Variants in STXBP5L observed in about 807,000 individuals in gnomAD.
STXBP5L encodes the protein syntaxin-binding protein 5-like.
In STXBP5L, 65 loss-of-function variants were observed where a neutral mutation model predicts 144.5. The observed-to-expected ratio is 0.45, with a 90% CI of 0.37 to 0.55. The LOEUF (loss-of-function observed/expected upper bound fraction) is 0.55, where lower values mean the gene tolerates loss of function less well. STXBP5L is among the 20% of genes least tolerant of loss of function. The pLI is 0.00. For missense variants in STXBP5L, 1,298 were observed against 1,405.5 expected (o/e 0.92, Z 1.22); for synonymous variants, 505 against 469.6 (o/e 1.08, Z -0.97).
chr3:121,245,181 T>C lies in STXBP5L; in HGVS notation c.1400+4674T>C, dbSNP rs1055036029. ...TTGTGACATCAATAACATGAAGAGA[T>C]AGTGAATGTAAAGGAGTAGATTTTT... On this transcript the variant is annotated intron_variant, in intron 14 of 26. Coordinates refer to ENST00000471454, the MANE Select transcript of STXBP5L (RefSeq NM_001308330.2). Among the ~76,000 whole-genome samples the C allele has an allele frequency of 4.0e-4, 61 of 152,066 alleles. 1 individual carries two copies. Among genetic ancestry groups the C allele is most frequent in the African/African-American group, 1.3e-3 (56 of 41,536 alleles).
rs146651546 is a variant in STXBP5L at position 121,264,502 on chromosome 3, T to C, written c.1958+5334T>C. On this transcript the variant is annotated intron_variant, in intron 18 of 26. Transcript: ENST00000471454. ...TGGAGTTTTGGAAAGAAAAAACCGG[T>C]ACTAGCCACTGCAAAAACATACCAA... 1.1e-4 allele frequency among the ~76,000 whole-genome samples: 16 copies of C among 152,148 alleles called. No individual in the cohort carries two copies. In the East Asian group the frequency reaches 3.1e-3, roughly 29 times the overall value.
chr3:121,100,517 G>C (rs1008989211), intron 5 of STXBP5L, among the ~76,000 whole-genome samples: 16 of 151,998 alleles, frequency 1.1e-4, no homozygotes, highest in African/African-American at 3.4e-4. Flanking sequence ...TGAAATTAAG[G>C]CAGAAATAAA....
At chr3:121,245,342 G>A (rs1273487327) in intron 14 of STXBP5L, among the ~76,000 whole-genome samples, 3 of 148,194 alleles carry the variant, frequency 2.0e-5, no homozygotes, top group South Asian at 2.1e-4. Flanking sequence ...ATAGAAGTAT[G>A]TCACTAAAAA....
intron 18 of STXBP5L, among the ~76,000 whole-genome samples, chr3:121,271,707 T>G (rs1346396659): frequency 6.6e-6 from 1 of 152,246 alleles, no homozygotes; most frequent in Non-Finnish European, 1.5e-5. Flanking sequence ...GAATGTCTTG[T>G]GAATTCAGTC....
chr3:121,095,190 C>A (rs2043050352), intron 5 of STXBP5L, among the ~76,000 whole-genome samples: 1 of 152,090 alleles, frequency 6.6e-6, no homozygotes, highest in Admixed American at 6.5e-5. Flanking sequence ...TTGTGGGTAA[C>A]CCGACCTCTC....
At chr3:121,361,489 C>T (rs932719101) in intron 20 of STXBP5L, among the ~76,000 whole-genome samples, 2 of 151,796 alleles carry the variant, frequency 1.3e-5, no homozygotes, top group Non-Finnish European at 2.9e-5. Context: ...ATTCTCTTTT[C>T]TTTTGTCTCT....
intron 16 of STXBP5L, among the ~76,000 whole-genome samples, chr3:121,256,501 T>A (rs1439370747): frequency 6.6e-6 from 1 of 152,018 alleles, no homozygotes; most frequent in African/African-American, 2.4e-5. Flanking sequence ...ACCTTTTTAT[T>A]CCTATGTAAA....
At chr3:121,226,989 G>A (rs9846563) in intron 11 of STXBP5L, among the ~76,000 whole-genome samples, 15,086 of 152,086 alleles carry the variant, frequency 0.099, 1,174 homozygotes, top group Admixed American at 0.2. Context: ...TAACATTTCA[G>A]TTCATACCTT....
intron 25 of STXBP5L, among the ~76,000 whole-genome samples, chr3:121,416,610 C>T (rs146311312): frequency 0.013 from 1,950 of 151,438 alleles, 38 homozygotes; most frequent in African/African-American, 0.045. Context: ...CGGGTTCAAG[C>T]GATTCTCCTG....
intron 20 of STXBP5L, among the ~76,000 whole-genome samples, chr3:121,338,592 C>CA (rs112967595): frequency 0.41 from 41,770 of 101,464 alleles, 8,410 homozygotes; most frequent in East Asian, 0.73. Flanking sequence ...GCATTTCTGT[C>CA]AAAAAAAAAA....
intron 14 of STXBP5L, among the ~76,000 whole-genome samples, chr3:121,242,485 A>C (rs973213842): frequency 6.6e-6 from 1 of 152,158 alleles, no homozygotes; most frequent in Non-Finnish European, 1.5e-5. Flanking sequence ...ACAATGTAAT[A>C]CCTAAAAAAA....
intron 5 of STXBP5L, among the ~76,000 whole-genome samples, chr3:121,081,450 G>A (rs540573879): frequency 2.6e-5 from 4 of 152,008 alleles, no homozygotes; most frequent in Non-Finnish European, 4.4e-5. Context: ...GTGCTTTTAC[G>A]GGTGAAGACT....
At chr3:121,356,071 C>T (rs1378681729) in intron 20 of STXBP5L, among the ~76,000 whole-genome samples, 2 of 152,212 alleles carry the variant, frequency 1.3e-5, no homozygotes. Flanking sequence ...AAGCTTCGCC[C>T]CACAGGGGCA....
At chr3:120,985,196 C>T (rs929700846) in intron 3 of STXBP5L, among the ~76,000 whole-genome samples, 7 of 151,734 alleles carry the variant, frequency 4.6e-5, no homozygotes, top group African/African-American at 1.5e-4. Context: ...GGAAGTACTC[C>T]CTCATTTTCA....
intron 6 of STXBP5L, among the ~76,000 whole-genome samples, chr3:121,118,081 A>G (rs1329558864): frequency 6.6e-6 from 1 of 151,766 alleles, no homozygotes; most frequent in Non-Finnish European, 1.5e-5. Context: ...CATGTTTAAC[A>G]TCATTCAAGC....
At chr3:121,042,828 A>G (rs897558276) in intron 4 of STXBP5L, among the ~76,000 whole-genome samples, 8 of 151,988 alleles carry the variant, frequency 5.3e-5, no homozygotes, top group African/African-American at 1.9e-4. Context: ...CACACTTGCT[A>G]TGGGGTACTG....
intron 5 of STXBP5L, among the ~76,000 whole-genome samples, chr3:121,068,473 T>A (rs1167585844): frequency 6.6e-6 from 1 of 152,146 alleles, no homozygotes; most frequent in African/African-American, 2.4e-5. Context: ...GACATTAATA[T>A]GTATTTTTTC....
chr3:121,168,858 T>C (rs2046596555), intron 9 of STXBP5L, among the ~76,000 whole-genome samples: 2 of 152,024 alleles, frequency 1.3e-5, no homozygotes, highest in Admixed American at 6.6e-5. Flanking sequence ...AAGATACTCC[T>C]CGAGAAGAGC....
intron 20 of STXBP5L, among the ~76,000 whole-genome samples, chr3:121,323,526 G>A (rs1222630307): frequency 6.6e-6 from 1 of 152,100 alleles, no homozygotes; most frequent in Non-Finnish European, 1.5e-5. Flanking sequence ...AGAATCCATT[G>A]AGTCAAATGG....
Sources: allele counts gnomAD v4.1 joint callset (sites outside exome capture counted in the v4.1 genomes callset), GRCh38; gene constraint gnomAD v4.1.1; transcripts MANE v1.5; gene names NCBI Gene and HGNC (gene_info 2026-07-23, HGNC 2026-07-21).